SCAPER: variants seen among roughly 807,000 people sequenced by gnomAD.
SCAPER encodes the protein S phase cyclin A-associated protein in the endoplasmic reticulum.
Under a neutral mutation model 182.2 loss-of-function variants are expected in SCAPER, and 98 were observed. The ratio of observed to expected loss-of-function variants is 0.54; its 90% CI spans 0.46 to 0.64. SCAPER has a LOEUF of 0.64. SCAPER is among the 30% of genes least tolerant of loss of function. SCAPER has a pLI of 0.00. For synonymous variants in SCAPER, 605 were observed against 564.6 expected, an observed-to-expected ratio of 1.07 and a Z score of -1.01; for missense variants, 1,432 against 1,690.0, an observed-to-expected ratio of 0.85 and a Z score of 2.68.
At chr15:76,761,058 T>C (rs2062754672) in intron 14 of SCAPER, among the ~76,000 whole-genome samples, 2 of 152,198 alleles carry the variant, frequency 1.3e-5, no homozygotes, top group Admixed American at 6.5e-5. Flanking sequence ...TTAGGCTCTT[T>C]ATTTCTTCTT....
intron 14 of SCAPER, among the ~76,000 whole-genome samples, chr15:76,763,391 C>T (rs746402265): frequency 1.3e-5 from 2 of 151,898 alleles, no homozygotes; most frequent in Non-Finnish European, 2.9e-5. Flanking sequence ...AGATGAGTTG[C>T]CTTTCTCTTG....
intron 4 of SCAPER, among the ~76,000 whole-genome samples, chr15:76,854,821 A>G (rs534954582): frequency 3.6e-4 from 54 of 150,572 alleles, no homozygotes; most frequent in African/African-American, 1.2e-3. Flanking sequence ...AAAAAAAAAA[A>G]ATTAGCCAGG....
At chr15:76,694,852 C>T (rs894935166) in intron 20 of SCAPER, among the ~76,000 whole-genome samples, 2 of 151,898 alleles carry the variant, frequency 1.3e-5, no homozygotes, top group Non-Finnish European at 2.9e-5. Context: ...TTAATATAGA[C>T]AAGCTATTAA....
chr15:76,855,877 C>A, intron 4 of SCAPER: 1 of 435,730 alleles, frequency 2.3e-6, no homozygotes, highest in Non-Finnish European at 4.7e-6. Flanking sequence ...CCTCAAAGAG[C>A]TAAAAACAGA....
At position 76,600,530 on chromosome 15, in the gene SCAPER, A is replaced by G. The variant is rs555382576; in HGVS notation, c.2711+21234T>C. Among the ~76,000 whole-genome samples the G allele has an allele frequency of 1.8e-5, 2 of 112,566 alleles. 1 individual carries two copies. Among genetic ancestry groups the G allele is most frequent in the South Asian group, 5.7e-4 (2 of 3,536 alleles). The allele number at this position is 112,566 out of a possible 152,430, so 73.8% of individuals were successfully genotyped here. A position where few individuals can be genotyped will look rare whatever the true frequency, so the allele number is the denominator to read the frequency against. On this transcript the variant is annotated intron_variant, in intron 22 of 31. Transcript: ENST00000563290. ...AATGGCACCATCTCTACCCACTGCA[A>G]CCTCCGCCTCCCAGGTTCAAGCAAT...
chr15:76,663,416 T>C (rs531028527), intron 21 of SCAPER, among the ~76,000 whole-genome samples: 1 of 152,226 alleles, frequency 6.6e-6, no homozygotes, highest in South Asian at 2.1e-4. Flanking sequence ...ATAAAAATAT[T>C]TGTTCACCCA....
intron 22 of SCAPER, among the ~76,000 whole-genome samples, chr15:76,600,977 T>G (rs2049890182): frequency 8.3e-6 from 1 of 120,872 alleles, no homozygotes; most frequent in South Asian, 2.5e-4. Flanking sequence ...TCTGAAAAGT[T>G]TACTCAAAAA....
At chr15:76,637,758 G>A (rs866279801) in intron 21 of SCAPER, among the ~76,000 whole-genome samples, 25,537 of 117,938 alleles carry the variant, frequency 0.22, 3,462 homozygotes, top group Middle Eastern at 0.31. Context: ...GTGTGTGTGT[G>A]TGTGTGTGTG....
At position 76,895,907 on chromosome 15, in the gene SCAPER, G is replaced by A. The variant is rs180687415; in HGVS notation, c.-60+9392C>T. 5.3e-5 allele frequency among the ~76,000 whole-genome samples: 8 copies of A among 152,116 alleles called. No homozygotes were observed. The East Asian group carries it at 1.5e-3, about 29-fold the overall frequency. On this transcript the variant is annotated intron_variant, in intron 1 of 31. Coordinates refer to ENST00000563290, the MANE Select transcript of SCAPER (RefSeq NM_020843.4). The stretch of plus-strand genomic sequence containing the variant: ...TACAAAAAATTTGCCGGGCATGGTG[G>A]CAGGCGACTGTAGTCCCAGCTACTT...
intron 26 of SCAPER, among the ~76,000 whole-genome samples, chr15:76,419,939 G>A (rs1490339401): frequency 1.3e-5 from 2 of 152,130 alleles, no homozygotes; most frequent in African/African-American, 2.4e-5. Flanking sequence ...ATCATTCACT[G>A]TAATTAGTGG....
chr15:76,904,132 GCA>G (rs1484410220), intron 1 of SCAPER, among the ~76,000 whole-genome samples: 1 of 152,186 alleles, frequency 6.6e-6, no homozygotes, highest in Non-Finnish European at 1.5e-5. Flanking sequence ...AAGGGAAAGA[GCA>G]CCAGTATAGG....
In SCAPER at chr15:76,554,639, C is replaced by T. The variant is rs574066636; in HGVS notation, c.2838+19519G>A. Among the ~76,000 whole-genome samples, 5 of 147,854 alleles carry T rather than the reference C, an allele frequency of 3.4e-5. 1 individual carries two copies. Among genetic ancestry groups the T allele is most frequent in the African/African-American group, 9.9e-5 (4 of 40,246 alleles). On this transcript the variant is annotated intron_variant, in intron 23 of 31. Transcript: ENST00000563290. ...TGGCTATTTTTCATGTCTCCAAGGTCGACATAAAATAAAAAAAGAAAGAAA... is the reference window on the plus strand; with the variant it reads ...TGGCTATTTTTCATGTCTCCAAGGTTGACATAAAATAAAAAAAGAAAGAAA...
intron 4 of SCAPER, among the ~76,000 whole-genome samples, chr15:76,845,242 T>G (rs2151797713): frequency 6.6e-6 from 1 of 152,192 alleles, no homozygotes; most frequent in Admixed American, 6.5e-5. Flanking sequence ...AAGACATATG[T>G]GACAGACACA....
rs369583915 is a variant in SCAPER, at chr15:76,532,227, T to C, written c.2839-27253A>G. 4.9e-3 allele frequency among the ~76,000 whole-genome samples: 745 copies of C among 152,294 alleles called. 5 individuals are homozygous for C. Among genetic ancestry groups the C allele is most frequent in the South Asian group, 8.7e-3 (42 of 4,826 alleles). On this transcript the variant is annotated intron_variant, in intron 23 of 31. Coordinates refer to ENST00000563290, the MANE Select transcript of SCAPER (RefSeq NM_020843.4). ...GCAAGAAGCTGAGGCTTATCATTTCTGTGGCAATGCTCTCCCTCATCATAG... is the reference window on the plus strand; with the variant it reads ...GCAAGAAGCTGAGGCTTATCATTTCCGTGGCAATGCTCTCCCTCATCATAG...
At chr15:76,792,036 A>C (rs1314855678) in intron 8 of SCAPER, among the ~76,000 whole-genome samples, 1 of 148,508 alleles carries the variant, frequency 6.7e-6, no homozygotes, top group Non-Finnish European at 1.5e-5. Context: ...TTGCCAGACA[A>C]AAAAAAAAAC....
intron 1 of SCAPER, among the ~76,000 whole-genome samples, chr15:76,894,476 C>A (rs1056082167): frequency 6.6e-6 from 1 of 151,984 alleles, no homozygotes; most frequent in Non-Finnish European, 1.5e-5. Flanking sequence ...CTCAGATAAA[C>A]AACCTAAGTT....
chr15:76,571,341 A>T (rs12441550), intron 23 of SCAPER, among the ~76,000 whole-genome samples: 58,114 of 151,944 alleles, frequency 0.38, 13,117 homozygotes, highest in Middle Eastern at 0.52. Context: ...GTATGTTAGT[A>T]AACAGAAGTG....
intron 1 of SCAPER, among the ~76,000 whole-genome samples, chr15:76,898,665 AT>A (rs1451324236): frequency 6.6e-6 from 1 of 152,258 alleles, no homozygotes; most frequent in Non-Finnish European, 1.5e-5. Context: ...GTATAATTCC[AT>A]TTATGTGAAA....
At position 76,665,675 on chromosome 15, in the gene SCAPER, T is replaced by C; in HGVS notation, c.2623A>G (p.Ile875Val). ...TACCTGAAGTTCATCCGGGCTTTTA[T>C]CTTTTTGGCTTTTTTTTTATTTTTT... ...RQKNKKKAKK[I>V]KARMNFRAKE... Residue 875 changes from isoleucine (I) to valine (V), a missense_variant, in exon 21 of 32, where the codon ATA becomes GTA. Physicochemically the swap from Ile to Val is conservative, Grantham distance 29. Around this residue, in one of 5 missense-constraint regions of SCAPER, gnomAD observed 718 missense variants for 799.7 expected, o/e 0.90. Transcript: ENST00000563290. 6.3e-7 allele frequency: 1 copy of C among 1,593,682 alleles called. No individual in the cohort carries two copies. Among genetic ancestry groups the C allele is most frequent in the South Asian group, 1.2e-5 (1 of 86,910 alleles).
Sources: allele counts gnomAD v4.1 joint callset (sites outside exome capture counted in the v4.1 genomes callset), GRCh38; gene constraint gnomAD v4.1.1; regional missense constraint gnomAD v4.1.1; transcripts MANE v1.5; gene names NCBI Gene and HGNC (gene_info 2026-07-23, HGNC 2026-07-21).